The following LPAR6 variants were observed in gnomAD, a reference collection of about 807,000 sequenced individuals.
The protein encoded by LPAR6 is lysophosphatidic acid receptor 6.
LPAR6 carries 17 observed loss-of-function variants against 22.0 expected under a neutral mutation model. The ratio of observed to expected loss-of-function variants is 0.77; its 90% CI spans 0.53 to 1.16. The LOEUF (loss-of-function observed/expected upper bound fraction) is 1.16, where lower values mean the gene tolerates loss of function less well. Among genes scored for constraint, LPAR6 ranks in the 50% most tolerant of loss-of-function variants. The pLI is 0.00. For synonymous variants in LPAR6, 136 were observed against 139.8 expected, an observed-to-expected ratio of 0.97 and a Z score of 0.19; for missense variants, 384 against 406.9, an observed-to-expected ratio of 0.94 and a Z score of 0.48.
At chr13:48,418,800 C>T (rs938591419) in intron 2 of LPAR6, among the ~76,000 whole-genome samples, 1 of 151,684 alleles carries the variant, frequency 6.6e-6, no homozygotes, top group Non-Finnish European at 1.5e-5. Context: ...AAGGGCATTA[C>T]ATAATGGTAA....
At chr13:48,391,679 C>G (rs1948611933) in intron 1 of LPAR6, 1 of 152,192 alleles carries the variant, frequency 6.6e-6, no homozygotes, top group Admixed American at 6.6e-5. Context: ...AGTGCAGTGG[C>G]GCGATCTTGG....
chr13:48,402,117 A>T (rs527563492), intron 1 of LPAR6, among the ~76,000 whole-genome samples: 45 of 152,286 alleles, frequency 3.0e-4, no homozygotes, highest in African/African-American at 1.0e-3. Flanking sequence ...TGAGTCATAA[A>T]CAAAAATGAA....
intron 1 of LPAR6, among the ~76,000 whole-genome samples, chr13:48,396,055 A>C: frequency 6.6e-6 from 1 of 152,228 alleles, no homozygotes; most frequent in Admixed American, 6.5e-5. Context: ...TTATAGCGTG[A>C]AAATGGCCAT....
chr13:48,406,691 T>C (rs1948743102), downstream of LPAR6: 1 of 152,200 alleles, frequency 6.6e-6, no homozygotes, highest in South Asian at 2.1e-4. Context: ...ATCCAAATTC[T>C]CTCCCACAGG....
intron 1 of LPAR6, among the ~76,000 whole-genome samples, chr13:48,397,899 G>A (rs1429691073): frequency 6.6e-6 from 1 of 152,154 alleles, no homozygotes; most frequent in Non-Finnish European, 1.5e-5. Context: ...TTGTATGTTT[G>A]TATGGTGGGT....
intron 1 of LPAR6, among the ~76,000 whole-genome samples, chr13:48,424,407 G>A (rs1195751226): frequency 6.6e-6 from 1 of 152,214 alleles, no homozygotes; most frequent in Non-Finnish European, 1.5e-5. Flanking sequence ...TTGGATGGGA[G>A]TAGAAGAGGA....
chr13:48,393,614 T>C (rs1948626860), intron 1 of LPAR6, among the ~76,000 whole-genome samples: 1 of 152,226 alleles, frequency 6.6e-6, no homozygotes. Context: ...ATGAAGTATT[T>C]ACAAATATGA....
At chr13:48,402,258 T>C (rs1184021672) in intron 1 of LPAR6, among the ~76,000 whole-genome samples, 4 of 152,180 alleles carry the variant, frequency 2.6e-5, no homozygotes, top group African/African-American at 9.6e-5. Context: ...TCTGATTTAG[T>C]TGAACCCACA....
At chr13:48,436,495 T>C (rs1421912249) in intron 1 of LPAR6, among the ~76,000 whole-genome samples, 1 of 151,936 alleles carries the variant, frequency 6.6e-6, no homozygotes, top group African/African-American at 2.4e-5. Flanking sequence ...ATACAAAAAT[T>C]AGCTGAGTAT....
intron 1 of LPAR6, among the ~76,000 whole-genome samples, chr13:48,392,228 A>G (rs1948616063): frequency 6.6e-6 from 1 of 152,048 alleles, no homozygotes; most frequent in South Asian, 2.1e-4. Flanking sequence ...CTTCTGCCTC[A>G]GCCTCCTGAG....
intron 1 of LPAR6, among the ~76,000 whole-genome samples, chr13:48,438,641 G>T (rs142951488): frequency 6.6e-6 from 1 of 151,848 alleles, no homozygotes; most frequent in Non-Finnish European, 1.5e-5. Flanking sequence ...CTGTGTCCTG[G>T]ATCCACCACT....
chr13:48,419,900 C>T (rs189713104), intron 2 of LPAR6, among the ~76,000 whole-genome samples: 5 of 152,272 alleles, frequency 3.3e-5, no homozygotes, highest in East Asian at 1.9e-4. Flanking sequence ...TAATTAATAG[C>T]GTACCAACCA....
chr13:48,424,392 T>C (rs2138256030), intron 1 of LPAR6, among the ~76,000 whole-genome samples: 1 of 152,300 alleles, frequency 6.6e-6, no homozygotes, highest in Non-Finnish European at 1.5e-5. Context: ...CCAACTTTTA[T>C]AGAGTTGGAT....
chr13:48,434,565 AC>A (rs1949163108), intron 1 of LPAR6, among the ~76,000 whole-genome samples: 1 of 151,974 alleles, frequency 6.6e-6, no homozygotes, highest in African/African-American at 2.4e-5. Flanking sequence ...AGTCTCTTTA[AC>A]CCTACAGCCG....
At chr13:48,413,986 A>T (rs1215351682), upstream of LPAR6, among the ~76,000 whole-genome samples, 2 of 152,142 alleles carry the variant, frequency 1.3e-5, no homozygotes, top group Non-Finnish European at 1.5e-5. Flanking sequence ...ATATATTGAA[A>T]TATATTTCAG....
rs1473624545 is a variant in LPAR6, at chr13:48,411,193, CAGAT to C, written c.*192_*195del. ...ACAAATCAAAATGGCTCAGAAAAAT[CAGAT>C]GGAGTGGATACACAAATAAAATACA... On this transcript the variant is annotated 3_prime_UTR_variant, in exon 1 of 1. Transcript: ENST00000620633. 1 of 486,690 alleles carries C rather than the reference CAGAT, an allele frequency of 2.1e-6. No individual in the cohort carries two copies. The highest frequency in any genetic ancestry group is 3.7e-6 in the Non-Finnish European group (1 of 272,644). The allele number at this position is 486,690 out of a possible 1,614,324, so 30.1% of individuals were successfully genotyped here. A position where few individuals can be genotyped will look rare whatever the true frequency, so the allele number is the denominator to read the frequency against.
intron 1 of LPAR6, chr13:48,426,844 G>A (rs1593506761): frequency 4.6e-5 from 7 of 152,270 alleles, no homozygotes; most frequent in Admixed American, 4.6e-4. Context: ...AAAGAGTAGG[G>A]TTTAGTTGGC....
upstream of LPAR6, among the ~76,000 whole-genome samples, chr13:48,418,078 G>C (rs572125882): frequency 1.3e-5 from 2 of 152,134 alleles, no homozygotes; most frequent in East Asian, 3.9e-4. Flanking sequence ...ACACATAATC[G>C]TCAGATTCAC....
upstream of LPAR6, among the ~76,000 whole-genome samples, chr13:48,427,107 C>G (rs183591587): frequency 1.1e-4 from 17 of 152,346 alleles, no homozygotes; most frequent in African/African-American, 4.1e-4. Flanking sequence ...ATCCACCCCC[C>G]TGATGTAGTC....
Sources: gnomAD v4.1 joint callset for allele counts (sites outside exome capture counted in the v4.1 genomes callset) on GRCh38, gnomAD v4.1.1 for gene constraint, MANE v1.5 for transcripts, NCBI Gene and HGNC (gene_info 2026-07-23, HGNC 2026-07-21) for gene names.